Variants in KLF12 observed in about 807,000 individuals in gnomAD.
KLF12 encodes Krueppel-like factor 12.
KLF12 carries 9 observed loss-of-function variants against 37.8 expected under a neutral mutation model. The ratio of observed to expected loss-of-function variants is 0.24; its 90% CI spans 0.14 to 0.42. The LOEUF is 0.42. KLF12 is among the 10% of genes least tolerant of loss of function. The pLI, the probability that KLF12 is intolerant of heterozygous loss-of-function variation, is 1.00. For missense variants in KLF12, 411 were observed against 516.0 expected, an observed-to-expected ratio of 0.80 and a Z score of 1.97; for synonymous variants, 208 against 202.1, an observed-to-expected ratio of 1.03 and a Z score of -0.25.
chr13:73,851,458 T>TTTCCTC, intron 3 of KLF12, among the ~76,000 whole-genome samples: 2 of 152,334 alleles, frequency 1.3e-5, no homozygotes, highest in Middle Eastern at 6.8e-3. Context: ...TCTAGCTGAG[T>TTTCCTC]TAGATTGGCC....
At chr13:73,719,520 G>T (rs111235376) in intron 6 of KLF12, among the ~76,000 whole-genome samples, 1 of 151,022 alleles carries the variant, frequency 6.6e-6, no homozygotes. Context: ...ATTCTTAATT[G>T]GTTAATTCTT....
rs553371553 is a variant in KLF12 at position 73,855,554 on chromosome 13, T to C, written c.124-9181A>G. ...TTATTGTGAATAGTGCTGCAATGAA[T>C]ATATGGATACATGTGTCTTTTTGAT... On this transcript the variant is annotated intron_variant, in intron 3 of 7. Transcript: ENST00000377669. Among the ~76,000 whole-genome samples, 14 of 152,306 alleles carry C rather than the reference T, an allele frequency of 9.2e-5. No homozygotes were observed. In the South Asian group the frequency reaches 2.5e-3, roughly 27 times the overall value.
the KLF12 span, among the ~76,000 whole-genome samples, chr13:74,301,152 AG>A: frequency 1.3e-5 from 2 of 151,950 alleles, no homozygotes; most frequent in African/African-American, 4.8e-5. Context: ...TTATTTTTGT[AG>A]ACATCTGCAA....
At chr13:73,872,024 T>A (rs999258635) in intron 3 of KLF12, among the ~76,000 whole-genome samples, 1 of 152,180 alleles carries the variant, frequency 6.6e-6, no homozygotes, top group African/African-American at 2.4e-5. Flanking sequence ...AAGGCTTGAA[T>A]CAAAGCGGGA....
chr13:73,751,988 A>T (rs1878791713), intron 6 of KLF12, among the ~76,000 whole-genome samples: 1 of 151,768 alleles, frequency 6.6e-6, no homozygotes, highest in Non-Finnish European at 1.5e-5. Flanking sequence ...TTACCTATGG[A>T]TTTATTTTAT....
chr13:74,273,446 A>G, the KLF12 span, among the ~76,000 whole-genome samples: 1 of 141,994 alleles, frequency 7.0e-6, no homozygotes, highest in South Asian at 2.3e-4. Context: ...TTTTATATCC[A>G]GCTTTTTTTT....
intron 6 of KLF12, among the ~76,000 whole-genome samples, chr13:73,756,251 C>T (rs1338755381): frequency 6.6e-6 from 1 of 152,106 alleles, no homozygotes; most frequent in Non-Finnish European, 1.5e-5. Flanking sequence ...TAGATCAAAG[C>T]TTTATGCATT....
the KLF12 span, among the ~76,000 whole-genome samples, chr13:74,253,618 A>G: frequency 1.3e-5 from 2 of 152,188 alleles, no homozygotes; most frequent in South Asian, 2.1e-4. Flanking sequence ...CATTTTTCAA[A>G]GAGATTAAAA....
intron 5 of KLF12, among the ~76,000 whole-genome samples, chr13:73,777,738 T>C (rs1880705026): frequency 6.6e-6 from 1 of 150,478 alleles, no homozygotes. Context: ...AAGAATTCAA[T>C]GGCAAACGGG....
chr13:73,746,725 A>T (rs1878394317), intron 6 of KLF12, among the ~76,000 whole-genome samples: 1 of 152,006 alleles, frequency 6.6e-6, no homozygotes, highest in Admixed American at 6.6e-5. Flanking sequence ...GTATCTTTCT[A>T]AAAAAATTAA....
Position 73,686,474 on chromosome 13 carries a change from G to C in KLF12, c.*9016C>G, listed in dbSNP as rs1214368241. On this transcript the variant is annotated 3_prime_UTR_variant, in exon 8 of 8. Coordinates refer to ENST00000377669, the MANE Select transcript of KLF12 (RefSeq NM_007249.5). Reference sequence around the variant, plus strand: ...CATAATATTAATAAACTTATAACAGGGTTGCCTAAACACTACAGAGTATAT... The same window carrying C: ...CATAATATTAATAAACTTATAACAGCGTTGCCTAAACACTACAGAGTATAT... 2 of 152,600 alleles carry C rather than the reference G, an allele frequency of 1.3e-5. No homozygotes were observed. The highest frequency in any genetic ancestry group is 3.4e-3 in the Middle Eastern group (1 of 290). The allele number at this position is 152,600 out of a possible 1,614,324, so 9.5% of individuals were successfully genotyped here.
At chr13:73,979,372 C>CACAG (rs1891630423) in intron 2 of KLF12, among the ~76,000 whole-genome samples, 1 of 151,140 alleles carries the variant, frequency 6.6e-6, no homozygotes, top group African/African-American at 2.4e-5. Context: ...CACACACACA[C>CACAG]ACACACACAC....
At chr13:74,177,772 G>A in the KLF12 span, among the ~76,000 whole-genome samples, 1 of 152,198 alleles carries the variant, frequency 6.6e-6, no homozygotes, top group African/African-American at 2.4e-5. Context: ...GAGGGAAGCA[G>A]TGGATTTGTG....
intron 1 of KLF12, among the ~76,000 whole-genome samples, chr13:74,066,097 C>G (rs994685249): frequency 6.6e-6 from 1 of 152,012 alleles, no homozygotes; most frequent in Non-Finnish European, 1.5e-5. Flanking sequence ...ATTATATGCT[C>G]CATCCACATC....
chr13:73,937,479 T>G (rs555965578), intron 3 of KLF12, among the ~76,000 whole-genome samples: 10 of 152,304 alleles, frequency 6.6e-5, no homozygotes, highest in Non-Finnish European at 1.2e-4. Context: ...ACTGACCCTA[T>G]AAAAATGCAA....
the KLF12 span, among the ~76,000 whole-genome samples, chr13:74,166,779 T>A: frequency 2.0e-5 from 3 of 152,216 alleles, no homozygotes; most frequent in African/African-American, 7.2e-5. Flanking sequence ...CTTACAGTAG[T>A]TCATTGGTAT....
chr13:73,813,374 T>C, intron 4 of KLF12, 87 bp from the exon 5 acceptor site: 2 of 1,411,026 alleles, frequency 1.4e-6, no homozygotes, highest in South Asian at 1.2e-5. Flanking sequence ...ATGGAACTTC[T>C]GTGCATATCA....
At chr13:73,816,256 A>G (rs983888693) in intron 4 of KLF12, among the ~76,000 whole-genome samples, 1 of 152,214 alleles carries the variant, frequency 6.6e-6, no homozygotes, top group Non-Finnish European at 1.5e-5. Context: ...TTTAGGAAGG[A>G]CTGATTCTCT....
intron 5 of KLF12, among the ~76,000 whole-genome samples, chr13:73,774,319 T>G (rs943789412): frequency 5.3e-5 from 8 of 151,450 alleles, no homozygotes; most frequent in Non-Finnish European, 1.0e-4. Flanking sequence ...TATATATATA[T>G]ATAGATTATA....
Sources: gnomAD v4.1 joint callset for allele counts (sites outside exome capture counted in the v4.1 genomes callset) on GRCh38, gnomAD v4.1.1 for gene constraint, MANE v1.5 for transcripts, NCBI Gene and HGNC (gene_info 2026-07-23, HGNC 2026-07-21) for gene names.